Variants in CYB561D1 observed in about 807,000 individuals in gnomAD.
CYB561D1 encodes the protein cytochrome b561 family member D1, also known as probable transmembrane reductase CYB561D1.
Under a neutral mutation model 19.2 loss-of-function variants are expected in CYB561D1, and 15 were observed. That is an observed-to-expected ratio of 0.78 (90% CI 0.52 to 1.20). The LOEUF (loss-of-function observed/expected upper bound fraction) is 1.20. Ranked by LOEUF, CYB561D1 falls within the 50% of genes most tolerant of loss-of-function variation. The probability of loss-of-function intolerance (pLI) is 0.00; values close to 1 mark genes in which losing one functional copy is unlikely to be tolerated. For synonymous variants in CYB561D1, 133 were observed against 120.6 expected (o/e 1.10, Z -0.68); for missense variants, 297 against 287.3 (o/e 1.03, Z -0.24).
At position 109,496,844 on chromosome 1, in the gene CYB561D1, C is replaced by T. The variant is rs1657593061; in HGVS notation, c.*585C>T. The T allele has an allele frequency of 6.6e-6, 1 of 152,478 alleles. No individual in the cohort carries two copies. The highest frequency in any genetic ancestry group is 6.5e-5 in the Admixed American group (1 of 15,282). 9.4% of individuals were successfully genotyped at this position (152,478 alleles called of 1,614,324 possible). A position where few individuals can be genotyped will look rare whatever the true frequency, so the allele number is the denominator to read the frequency against. ...TCTCCCAGCTGTGGACCACGTGGAC[C>T]ACTTAGCAGACTCAGGGGGTAGTTC... On this transcript the variant is annotated 3_prime_UTR_variant, in exon 3 of 3. Transcript: ENST00000420578.
In CYB561D1 at chr1:109,495,863, C is replaced by G; in HGVS notation, c.294C>G (p.Thr98=). 1 of 1,613,894 alleles carries G rather than the reference C, an allele frequency of 6.2e-7. No individual in the cohort carries two copies. The highest frequency in any genetic ancestry group is 8.5e-7 in the Non-Finnish European group (1 of 1,180,044). The stretch of plus-strand genomic sequence containing the variant: ...TCCGGCTCCACTGGGCAGGGCAGAC[C>G]CTAGCCATCCTCTGTGCAGCTCTGG... ...ARIRLHWAGQ[T]LAILCAALGL... is the part of the protein sequence containing the mutation. Residue 98 remains threonine, a synonymous_variant, in exon 3 of 3, where the codon ACC becomes ACG. Coordinates refer to ENST00000420578, the MANE Select transcript of CYB561D1 (RefSeq NM_182580.3).
rs1000924584 is a variant in CYB561D1 at position 109,497,953 on chromosome 1, G to A, written c.*1694G>A. Reference sequence around the variant, plus strand: ...AAAGGAGGCCCCTGCTGTGCAGAGGGGTATTGTTCCTGTCTCTTTCATTGT... The same window carrying A: ...AAAGGAGGCCCCTGCTGTGCAGAGGAGTATTGTTCCTGTCTCTTTCATTGT... On this transcript the variant is annotated 3_prime_UTR_variant, in exon 3 of 3. Coordinates refer to ENST00000420578, the MANE Select transcript of CYB561D1 (RefSeq NM_182580.3). The A allele has an allele frequency of 1.3e-5, 2 of 152,220 alleles. No individual in the cohort carries two copies. Among genetic ancestry groups the A allele is most frequent in the Admixed American group, 1.3e-4 (2 of 15,290 alleles). The allele number at this position is 152,220 out of a possible 1,614,324, so 9.4% of individuals were successfully genotyped here.
Position 109,494,254 on chromosome 1 carries a change from A to T in CYB561D1, c.115A>T (p.Ile39Phe), listed in dbSNP as rs765878493. The change falls in exon 1 of 3, where the codon ATC becomes TTC. Residue 39 changes from isoleucine to phenylalanine, a missense_variant. By Grantham distance (21) the Ile-to-Phe change is conservative. Transcript: ENST00000420578. ...LAHLVALGFT[I>F]FLTALSRPGT... is the part of the protein sequence containing the mutation. ...GCACCTGGTAGCTTTGGGCTTCACC[A>T]TCTTTCTGACAGCGCTGTCCCGGCC... 1.3e-6 allele frequency: 2 copies of T among 1,587,404 alleles called. No individual in the cohort carries two copies. Among genetic ancestry groups the T allele is most frequent in the Non-Finnish European group, 1.7e-6 (2 of 1,166,752 alleles).
intron 2 of CYB561D1, 162 bp from the exon 3 acceptor site, chr1:109,495,594 C>A: frequency 7.1e-7 from 1 of 1,413,500 alleles, no homozygotes; most frequent in Non-Finnish European, 9.5e-7. Context: ...GTGCTGATTC[C>A]CAAATGTTCC....
At chr1:109,494,813 T>C (rs1571106486) in intron 1 of CYB561D1, among the ~76,000 whole-genome samples, 1 of 149,998 alleles carries the variant, frequency 6.7e-6, no homozygotes, top group Admixed American at 6.7e-5. Flanking sequence ...CTCCACCCTG[T>C]GCGACAGAGC....
At chr1:109,494,562 C>G (rs759153548) in intron 1 of CYB561D1, 1 of 1,443,906 alleles carries the variant, frequency 6.9e-7, no homozygotes, top group East Asian at 3.3e-5. Flanking sequence ...GGAGGCCGGG[C>G]GCGGTGGGTC....
chr1:109,495,090 C>T (rs1657446832), intron 1 of CYB561D1, 53 bp from the exon 2 acceptor site: 2 of 1,600,226 alleles, frequency 1.2e-6, no homozygotes, highest in Admixed American at 1.7e-5. Context: ...CACCTAGCTA[C>T]AGGGGCAGGA....
chr1:109,496,992 G>C lies in CYB561D1; in HGVS notation c.*733G>C, dbSNP rs1290731341. On this transcript the variant is annotated 3_prime_UTR_variant, in exon 3 of 3. Coordinates refer to ENST00000420578, the MANE Select transcript of CYB561D1 (RefSeq NM_182580.3). ...AGGCACTGTGGAAAGAAGGGACTCA[G>C]GTGAGGGTCTTCTGGACTCTAAGAC... 2 of 152,700 alleles carry C rather than the reference G, an allele frequency of 1.3e-5. No homozygotes were observed. Among genetic ancestry groups the C allele is most frequent in the African/African-American group, 4.8e-5 (2 of 41,460 alleles). The allele number at this position is 152,700 out of a possible 1,614,324, so 9.5% of individuals were successfully genotyped here.
chr1:109,495,705 C>T (rs1657490605), intron 2 of CYB561D1, 51 bp from the exon 3 acceptor site: 1 of 1,613,394 alleles, frequency 6.2e-7, no homozygotes, highest in East Asian at 2.2e-5. Flanking sequence ...TCCTTTTTCT[C>T]AGGCCTCCAA....
At position 109,494,265 on chromosome 1, in the gene CYB561D1, A is replaced by G. The variant is rs754681221; in HGVS notation, c.126A>G (p.Thr42=). The G allele has an allele frequency of 6.3e-7, 1 of 1,589,042 alleles. No individual in the cohort carries two copies. Among genetic ancestry groups the G allele is most frequent in the Admixed American group, 1.8e-5 (1 of 56,440 alleles). ...LVALGFTIFL[T]ALSRPGTSLF... ...CTTTGGGCTTCACCATCTTTCTGAC[A>G]GCGCTGTCCCGGCCAGGAACCAGTG... The change falls in exon 1 of 3, where the codon ACA becomes ACG. Residue 42 remains threonine (T), a synonymous_variant. Transcript: ENST00000420578.
rs1376785915 is a variant in CYB561D1 at position 109,498,783 on chromosome 1, A to T, written c.*2524A>T. ...GAAGCAAACGCCTTGGAGGAGAAGC[A>T]CATGGTTGCCCTTTTGTCCTTGCTC... On this transcript the variant is annotated 3_prime_UTR_variant, in exon 3 of 3. Transcript: ENST00000420578. The T allele has an allele frequency of 6.6e-6, 1 of 151,532 alleles. No individual in the cohort carries two copies. The highest frequency in any genetic ancestry group is 2.0e-4 in the East Asian group (1 of 5,126). 9.4% of individuals were successfully genotyped at this position (151,532 alleles called of 1,614,324 possible).
At chr1:109,495,630 T>A (rs1657482894) in intron 2 of CYB561D1, 126 bp from the exon 3 acceptor site, 5 of 1,540,904 alleles carry the variant, frequency 3.2e-6, no homozygotes, top group Non-Finnish European at 4.4e-6. Flanking sequence ...GTGAGGCTGG[T>A]GGTCCTGGTT....
At position 109,498,946 on chromosome 1, in the gene CYB561D1, T is replaced by G. The variant is rs1025488493; in HGVS notation, c.*2687T>G. ...TTTTCATATCAAGCTAAGTCCTGAT[T>G]CCAAATTTGATTATATTCCAAATTT... On this transcript the variant is annotated 3_prime_UTR_variant, in exon 3 of 3. Coordinates refer to ENST00000420578, the MANE Select transcript of CYB561D1 (RefSeq NM_182580.3). The G allele has an allele frequency of 4.1e-5, 6 of 146,394 alleles. No homozygotes were observed. The Admixed American group carries it at 4.4e-4, about 11-fold the overall frequency. The allele number at this position is 146,394 out of a possible 1,614,324, so 9.1% of individuals were successfully genotyped here. A position where few individuals can be genotyped will look rare whatever the true frequency, so the allele number is the denominator to read the frequency against.
At position 109,496,079 on chromosome 1, in the gene CYB561D1, A is replaced by G. The variant is rs1236752426; in HGVS notation, c.510A>G (p.Gly170=). 6.2e-7 allele frequency: 1 copy of G among 1,614,074 alleles called. No individual in the cohort carries two copies. The highest frequency in any genetic ancestry group is 8.5e-7 in the Non-Finnish European group (1 of 1,179,984). The stretch of plus-strand genomic sequence containing the variant: ...TCAAGCTCTACCATCTGACATGTGG[A>G]CTGGTGGTCTACCTGATGGCTACAG... ...ARLKLYHLTC[G]LVVYLMATVT... is the part of the protein sequence containing the mutation. Residue 170 remains glycine, a synonymous_variant, in exon 3 of 3, where the codon GGA becomes GGG. Transcript: ENST00000420578.
chr1:109,495,579 C>G (rs570527035), intron 2 of CYB561D1, 177 bp from the exon 3 acceptor site: 3 of 1,250,920 alleles, frequency 2.4e-6, no homozygotes, highest in Non-Finnish European at 3.3e-6. Context: ...GAGACGTGCA[C>G]TCAAGTGCTG....
rs56776431 is a variant in CYB561D1 at position 109,499,003 on chromosome 1, T to G, written c.*2744T>G. 557 of 152,256 alleles carry G rather than the reference T, an allele frequency of 3.7e-3. 7 individuals are homozygous for G. Among genetic ancestry groups the G allele is most frequent in the African/African-American group, 0.013 (520 of 41,514 alleles). 9.4% of individuals were successfully genotyped at this position (152,256 alleles called of 1,614,324 possible). On this transcript the variant is annotated 3_prime_UTR_variant, in exon 3 of 3. Transcript: ENST00000420578. ...ATTCCAAATTTGATTATATTCAGAT[T>G]CAACCTTGAGGACATTAGAAATATA...
intron 2 of CYB561D1, 134 bp downstream of exon 2, chr1:109,495,314 C>A: frequency 9.0e-7 from 1 of 1,105,628 alleles, no homozygotes; most frequent in South Asian, 1.3e-5. Context: ...TCATCTTTCC[C>A]TGCAGCCTAT....
At position 109,496,034 on chromosome 1, in the gene CYB561D1, G is replaced by T; in HGVS notation, c.465G>T (p.Arg155Ser). The T allele has an allele frequency of 6.2e-7, 1 of 1,610,902 alleles. No homozygotes were observed. The highest frequency in any genetic ancestry group is 8.5e-7 in the Non-Finnish European group (1 of 1,177,516). Residue 155 changes from arginine to serine, a missense_variant, in exon 3 of 3, where the codon AGG (arginine) becomes AGT (serine). Physicochemically the swap from Arg to Ser is moderately radical, Grantham distance 110 (BLOSUM62 -1). Coordinates refer to ENST00000420578, the MANE Select transcript of CYB561D1 (RefSeq NM_182580.3). The stretch of plus-strand genomic sequence containing the variant: ...GCCTCCTTTGTCCCCGGGCAGCCAG[G>T]GTCTCAAGGGTGGCTCGCCTCAAGC... ...GLCLLCPRAA[R>S]VSRVARLKLY... is the part of the protein sequence containing the mutation.
In CYB561D1 at chr1:109,495,751, C is replaced by T. The variant is rs1197714692; in HGVS notation, c.187-5C>T. On this transcript the variant is annotated splice_polypyrimidine_tract_variant and splice_region_variant and intron_variant, in intron 2 of 2. Coordinates refer to ENST00000420578, the MANE Select transcript of CYB561D1 (RefSeq NM_182580.3). ...AGGCTTACTGGCTCTCTCCTATGTT[C>T]ACAGTTCTGCCTCTGCATGGCTGAA... is the stretch of plus-strand genomic sequence containing the variant. 2 of 1,614,226 alleles carry T rather than the reference C, an allele frequency of 1.2e-6. No individual in the cohort carries two copies. The highest frequency in any genetic ancestry group is 1.7e-6 in the Non-Finnish European group (2 of 1,180,038).
Sources: allele counts gnomAD v4.1 joint callset (sites outside exome capture counted in the v4.1 genomes callset), GRCh38; gene constraint gnomAD v4.1.1; transcripts MANE v1.5; gene names NCBI Gene and HGNC (gene_info 2026-07-23, HGNC 2026-07-21).